MYO5B: variants seen among roughly 807,000 people sequenced by gnomAD.
The protein encoded by MYO5B is myosin VB.
A neutral mutation model predicts 229.3 loss-of-function variants in MYO5B; 143 were observed. That is an observed-to-expected ratio of 0.62 (90% confidence interval 0.54 to 0.72). MYO5B has a LOEUF of 0.72. Ranked by LOEUF, MYO5B falls within the 30% of genes least tolerant of loss-of-function variation. MYO5B has a pLI of 0.00. For missense variants in MYO5B, 2,321 were observed against 2,331.0 expected (o/e 1.00, Z 0.09); for synonymous variants, 918 against 885.2 (o/e 1.04, Z -0.66).
chr18:50,073,057 C>T (rs1265878733), intron 1 of MYO5B, among the ~76,000 whole-genome samples: 1 of 152,166 alleles, frequency 6.6e-6, no homozygotes, highest in Non-Finnish European at 1.5e-5. Flanking sequence ...GGGACTCTCA[C>T]CTAATCCTTC....
intron 23 of MYO5B, among the ~76,000 whole-genome samples, chr18:49,879,686 A>G (rs1208840983): frequency 6.6e-6 from 1 of 152,180 alleles, no homozygotes; most frequent in African/African-American, 2.4e-5. Flanking sequence ...GAACCTGAGT[A>G]TGGGAGAAGG....
At chr18:50,025,221 T>A (rs2026317828) in intron 4 of MYO5B, among the ~76,000 whole-genome samples, 1 of 152,238 alleles carries the variant, frequency 6.6e-6, no homozygotes, top group Non-Finnish European at 1.5e-5. Context: ...TTGATTGACA[T>A]CATCCATTCC....
intron 1 of MYO5B, among the ~76,000 whole-genome samples, chr18:50,059,778 G>A (rs1359107159): frequency 2.0e-5 from 3 of 152,198 alleles, no homozygotes; most frequent in African/African-American, 7.2e-5. Context: ...GAGCAGGGCT[G>A]TTTACCCAAT....
intron 37 of MYO5B, among the ~76,000 whole-genome samples, 160 bp downstream of exon 37, chr18:49,837,357 G>A (rs2023999808): frequency 1.3e-5 from 2 of 152,132 alleles, no homozygotes; most frequent in Admixed American, 6.6e-5. Flanking sequence ...TTCACCAACA[G>A]GTAAAAAGGT....
chr18:49,975,745 T>C (rs2025742968), intron 9 of MYO5B, among the ~76,000 whole-genome samples: 1 of 152,128 alleles, frequency 6.6e-6, no homozygotes, highest in Non-Finnish European at 1.5e-5. Context: ...AAAGCTGAGC[T>C]GAGCCCCAGA....
chr18:49,996,828 AAGGG>A (rs1261355626), intron 5 of MYO5B, among the ~76,000 whole-genome samples: 1 of 152,196 alleles, frequency 6.6e-6, no homozygotes, highest in East Asian at 1.9e-4. Flanking sequence ...AGTGTGGACA[AAGGG>A]ACGGGGTTAT....
chr18:50,068,038 CACATAT>C (rs951827689), intron 1 of MYO5B, among the ~76,000 whole-genome samples: 30 of 74,210 alleles, frequency 4.0e-4, no homozygotes, highest in African/African-American at 1.1e-3. Flanking sequence ...TATATATACA[CACATAT>C]ACACACACAC....
intron 1 of MYO5B, among the ~76,000 whole-genome samples, chr18:50,070,823 C>T (rs2030940347): frequency 6.9e-6 from 1 of 145,514 alleles, no homozygotes; most frequent in Non-Finnish European, 1.5e-5. Flanking sequence ...TGCCTGCATA[C>T]CATCTCATCC....
At chr18:49,959,894 T>C (rs1238146388) in intron 12 of MYO5B, among the ~76,000 whole-genome samples, 1 of 152,122 alleles carries the variant, frequency 6.6e-6, no homozygotes, top group Non-Finnish European at 1.5e-5. Flanking sequence ...TTGCTGACAC[T>C]CAAACACCTT....
chr18:49,979,218 C>A (rs930201411), intron 9 of MYO5B, among the ~76,000 whole-genome samples: 3 of 152,176 alleles, frequency 2.0e-5, no homozygotes, highest in Non-Finnish European at 4.4e-5. Context: ...AAGGTGAGCA[C>A]CCACACAGGT....
chr18:49,858,273 C>T (rs2024286673), intron 29 of MYO5B, among the ~76,000 whole-genome samples: 1 of 152,254 alleles, frequency 6.6e-6, no homozygotes. Context: ...TTAGTGCCTG[C>T]ATTTTACTAC....
intron 1 of MYO5B, among the ~76,000 whole-genome samples, chr18:50,134,554 C>CAATAAATA (rs57536679): frequency 0.017 from 2,418 of 141,480 alleles, 31 homozygotes; most frequent in African/African-American, 0.033. Context: ...GACTCCATCT[C>CAATAAATA]AATAAATAAA....
intron 12 of MYO5B, among the ~76,000 whole-genome samples, chr18:49,961,159 T>A (rs1240732379): frequency 6.6e-6 from 1 of 152,202 alleles, no homozygotes; most frequent in African/African-American, 2.4e-5. Context: ...TGGCCTAGGC[T>A]GTGACTTCAG....
chr18:49,843,878 C>T (rs538876821), intron 33 of MYO5B, among the ~76,000 whole-genome samples: 23 of 152,236 alleles, frequency 1.5e-4, no homozygotes, highest in Non-Finnish European at 2.8e-4. Context: ...ACAGGGCCAG[C>T]CTGCTGAGGG....
intron 1 of MYO5B, among the ~76,000 whole-genome samples, chr18:50,192,456 A>G (rs2033241279): frequency 6.6e-6 from 1 of 152,230 alleles, no homozygotes; most frequent in African/African-American, 2.4e-5. Context: ...GATCACAGCA[A>G]CATTTTGGGG....
At chr18:50,162,315 C>T in intron 1 of MYO5B, among the ~76,000 whole-genome samples, 1 of 146,346 alleles carries the variant, frequency 6.8e-6, no homozygotes, top group East Asian at 2.2e-4. Flanking sequence ...AAGCAAATTC[C>T]TGCCAAGTGC....
rs1555647768 is a variant in MYO5B at position 49,965,455 on chromosome 18, T to TCTCACACACACA, written c.1323-2426_1323-2425insTGTGTGTGTGAG. 1.2e-4 allele frequency among the ~76,000 whole-genome samples: 18 copies of TCTCACACACACA among 147,214 alleles called. No homozygotes were observed. The South Asian group carries it at 3.8e-3, about 31-fold the overall frequency. ...TCTTTTCATACAAACACACTTCTTTTCACACACACACACACACACACACAC... is the reference window on the plus strand; with the variant it reads ...TCTTTTCATACAAACACACTTCTTTTCTCACACACACACACACACACACACACACACACACAC... On this transcript the variant is annotated intron_variant, in intron 10 of 39. Transcript: ENST00000285039.
intron 29 of MYO5B, among the ~76,000 whole-genome samples, chr18:49,858,710 C>T (rs1261496498): frequency 6.6e-6 from 1 of 152,246 alleles, no homozygotes; most frequent in East Asian, 1.9e-4. Context: ...ATTCTTAATT[C>T]TGTAACAAGC....
intron 17 of MYO5B, among the ~76,000 whole-genome samples, chr18:49,926,383 A>T (rs550480793): frequency 6.6e-6 from 1 of 152,300 alleles, no homozygotes; most frequent in African/African-American, 2.4e-5. Context: ...GAAGACAGGG[A>T]GGAGGGGAGG....
Sources: gnomAD v4.1 joint callset for allele counts (sites outside exome capture counted in the v4.1 genomes callset) on GRCh38, gnomAD v4.1.1 for gene constraint, MANE v1.5 for transcripts, NCBI Gene and HGNC (gene_info 2026-07-23, HGNC 2026-07-21) for gene names.